Variants in NAV2 observed in about 807,000 individuals in gnomAD.
The protein encoded by NAV2 is neuron navigator 2.
Under a neutral mutation model 223.2 loss-of-function variants are expected in NAV2, and 54 were observed. The ratio of observed to expected loss-of-function variants is 0.24; its 90% CI spans 0.19 to 0.30. The LOEUF is 0.30. Among genes scored for constraint, NAV2 ranks in the 10% least tolerant of loss-of-function variants. The probability of loss-of-function intolerance (pLI) is 1.00; values close to 1 mark genes in which losing one functional copy is unlikely to be tolerated. For missense variants in NAV2, 2,806 were observed against 3,147.5 expected, an observed-to-expected ratio of 0.89 and a Z score of 2.60; for synonymous variants, 1,279 against 1,239.3, an observed-to-expected ratio of 1.03 and a Z score of -0.67.
At position 20,049,802 on chromosome 11, in the gene NAV2, C is replaced by T. The variant is rs574340044; in HGVS notation, c.4371-34C>T. The stretch of plus-strand genomic sequence containing the variant: ...CTCTCCTTTCTTCCAAGCTAACGTT[C>T]CTTCTCTTGTTTTCTACCTGCCTGG... On this transcript the variant is annotated intron_variant, in intron 15 of 37. Coordinates refer to ENST00000349880, the MANE Select transcript of NAV2 (RefSeq NM_145117.5). The T allele has an allele frequency of 3.3e-4, 531 of 1,602,166 alleles. 6 individuals carry two copies. In the South Asian group the frequency reaches 5.5e-3, roughly 17 times the overall value.
rs550525075 is a variant in NAV2 at position 19,563,782 on chromosome 11, G to A, written c.75+212755G>A. 2.6e-5 allele frequency among the ~76,000 whole-genome samples: 4 copies of A among 152,268 alleles called. No homozygotes were observed. In the South Asian group the frequency reaches 8.3e-4, roughly 32 times the overall value. Reference sequence around the variant, plus strand: ...GGGCTCTGCCAGTTACCAGATGTATGAACTTCAGCATGCCTGAGCTTCAGA... The same window carrying A: ...GGGCTCTGCCAGTTACCAGATGTATAAACTTCAGCATGCCTGAGCTTCAGA... On this transcript the variant is annotated intron_variant, in intron 1 of 37. Coordinates refer to the NAV2 transcript ENST00000360655.
intron 1 of NAV2, among the ~76,000 whole-genome samples, chr11:19,761,497 A>G (rs751526822): frequency 6.6e-6 from 1 of 152,214 alleles, no homozygotes. Flanking sequence ...ACAATCCACC[A>G]GGTAAAGACC....
chr11:19,413,550 G>A (rs1237644155), intron 1 of NAV2, among the ~76,000 whole-genome samples: 4 of 152,082 alleles, frequency 2.6e-5, no homozygotes, highest in Non-Finnish European at 4.4e-5. Flanking sequence ...ACAGGCCAAC[G>A]TTCAAATTCA....
At chr11:19,552,130 C>G (rs902651488) in intron 1 of NAV2, among the ~76,000 whole-genome samples, 2 of 152,034 alleles carry the variant, frequency 1.3e-5, no homozygotes, top group African/African-American at 4.8e-5. Flanking sequence ...CAAGACTGGT[C>G]AGTTTGGGAG....
intron 4 of NAV2, among the ~76,000 whole-genome samples, chr11:19,875,559 A>G (rs1010938251): frequency 2.0e-5 from 3 of 152,184 alleles, no homozygotes; most frequent in South Asian, 4.1e-4. Context: ...GCATGATTCT[A>G]TTTATGCGAA....
chr11:19,695,028 T>A (rs2049289223), intron 1 of NAV2, among the ~76,000 whole-genome samples: 2 of 152,210 alleles, frequency 1.3e-5, no homozygotes, highest in Admixed American at 1.3e-4. Context: ...CTGAGAGAGC[T>A]GCCACCACTT....
upstream of NAV2, among the ~76,000 whole-genome samples, chr11:19,348,008 C>T (rs562571584): frequency 1.1e-4 from 16 of 152,320 alleles, no homozygotes; most frequent in African/African-American, 3.9e-4. Context: ...ACAAGGACAG[C>T]AACAGCCCCA....
intron 1 of NAV2, among the ~76,000 whole-genome samples, chr11:19,422,185 C>T (rs1469715940): frequency 2.6e-5 from 4 of 152,188 alleles, no homozygotes; most frequent in Non-Finnish European, 5.9e-5. Context: ...AGCCATCCCT[C>T]ATGCTGCTCT....
rs567926588 is a variant in NAV2 at position 19,441,507 on chromosome 11, T to G, written c.75+90480T>G. On this transcript the variant is annotated intron_variant, in intron 1 of 37. Transcript: ENST00000360655. ...AGGCTGACAATGCCCTGTGTACAGATAGCAGTAAGAGCATGAAACTGAGAT... is the reference window on the plus strand; with the variant it reads ...AGGCTGACAATGCCCTGTGTACAGAGAGCAGTAAGAGCATGAAACTGAGAT... 2.8e-3 allele frequency among the ~76,000 whole-genome samples: 424 copies of G among 152,008 alleles called. 10 individuals are homozygous for G. Among genetic ancestry groups the G allele is most frequent in the Non-Finnish European group, 4.7e-4 (32 of 67,972 alleles).
intron 1 of NAV2, among the ~76,000 whole-genome samples, chr11:19,655,087 G>C (rs1469147101): frequency 6.6e-6 from 1 of 152,166 alleles, no homozygotes; most frequent in Non-Finnish European, 1.5e-5. Context: ...TGAAGGATAT[G>C]AACAGACACT....
intron 5 of NAV2, among the ~76,000 whole-genome samples, chr11:19,886,505 G>A (rs2153111645): frequency 6.6e-6 from 1 of 152,372 alleles, no homozygotes; most frequent in Middle Eastern, 3.4e-3. Context: ...CCAAGTCAGA[G>A]TGGAAACCCA....
rs377164233 is a variant in NAV2, at chr11:19,932,726, T to C, written c.932-450T>C. The stretch of plus-strand genomic sequence containing the variant: ...TTTTTTAAAGATTCTACATGGTTTC[T>C]CCTTCTTTTCTATTTTTGTAATTGT... On this transcript the variant is annotated intron_variant, in intron 6 of 37. Transcript: ENST00000349880. Among the ~76,000 whole-genome samples the C allele has an allele frequency of 5.3e-5, 8 of 152,266 alleles. No homozygotes were observed. The South Asian group carries it at 1.7e-3, about 31-fold the overall frequency.
chr11:19,917,588 T>C (rs1216567484), intron 6 of NAV2, among the ~76,000 whole-genome samples: 1 of 152,160 alleles, frequency 6.6e-6, no homozygotes, highest in African/African-American at 2.4e-5. Flanking sequence ...CACATCTACC[T>C]CATTTCATAG....
chr11:19,948,084 A>ATTTT (rs35277859), intron 9 of NAV2, among the ~76,000 whole-genome samples: 26 of 146,780 alleles, frequency 1.8e-4, no homozygotes, highest in African/African-American at 6.5e-4. Context: ...GAAAATTCTT[A>ATTTT]TTTTTTTTTT....
intron 5 of NAV2, among the ~76,000 whole-genome samples, chr11:19,882,982 T>C (rs2063308976): frequency 6.6e-6 from 1 of 152,232 alleles, no homozygotes; most frequent in African/African-American, 2.4e-5. Context: ...ACACTCTGGC[T>C]ATAAATTTAA....
intron 1 of NAV2, among the ~76,000 whole-genome samples, chr11:19,392,850 G>C (rs930191302): frequency 1.3e-5 from 2 of 152,224 alleles, no homozygotes; most frequent in Non-Finnish European, 2.9e-5. Context: ...ACAGTTACAA[G>C]AGCAGCCTTA....
intron 1 of NAV2, among the ~76,000 whole-genome samples, chr11:19,524,107 C>G (rs1026251913): frequency 5.3e-5 from 8 of 152,204 alleles, no homozygotes; most frequent in Admixed American, 2.0e-4. Context: ...TCTATCTCCC[C>G]TGGTAGGATA....
Position 19,355,318 on chromosome 11 carries a change from T to C in NAV2, c.75+4291T>C, listed in dbSNP as rs892659253. 1.3e-4 allele frequency among the ~76,000 whole-genome samples: 19 copies of C among 151,842 alleles called. 1 individual carries two copies. Among genetic ancestry groups the C allele is most frequent in the African/African-American group, 4.6e-4 (19 of 41,308 alleles). On this transcript the variant is annotated intron_variant, in intron 1 of 37. Coordinates refer to the NAV2 transcript ENST00000360655. ...GACAAAGATGGTTCAGTTTGAATAT[T>C]CTCCTAGCTGTCAACTTCTCAGCAT...
intron 5 of NAV2, among the ~76,000 whole-genome samples, chr11:19,883,354 C>G (rs978973078): frequency 9.9e-5 from 15 of 152,162 alleles, no homozygotes; most frequent in African/African-American, 3.6e-4. Context: ...TTGCTTCTTC[C>G]CCTTAGCTCA....
Sources: gnomAD v4.1 joint callset for allele counts (sites outside exome capture counted in the v4.1 genomes callset) on GRCh38, gnomAD v4.1.1 for gene constraint, MANE v1.5 for transcripts, NCBI Gene and HGNC (gene_info 2026-07-23, HGNC 2026-07-21) for gene names.